Variants in UNK observed in about 807,000 individuals in gnomAD.
The protein encoded by UNK is unk zinc finger.
In UNK, 32 loss-of-function variants were observed where a neutral mutation model predicts 97.6. The ratio of observed to expected loss-of-function variants is 0.33; its 90% CI spans 0.25 to 0.44. The LOEUF (loss-of-function observed/expected upper bound fraction) is 0.44. UNK is among the 20% of genes least tolerant of loss of function. UNK has a pLI of 1.00. For missense variants in UNK, 771 were observed against 1,098.4 expected (o/e 0.70, Z 4.21); for synonymous variants, 441 against 461.2 (o/e 0.96, Z 0.56).
intron 6 of UNK, 37 bp from the exon 7 acceptor site, chr17:75,815,132 G>C: frequency 6.3e-7 from 1 of 1,596,460 alleles, no homozygotes; most frequent in Non-Finnish European, 8.6e-7. Flanking sequence ...CCTTCCCTCA[G>C]GGCCTGAGCC....
At chr17:75,814,236 T>A (rs1426330536) in intron 6 of UNK, among the ~76,000 whole-genome samples, 1 of 151,810 alleles carries the variant, frequency 6.6e-6, no homozygotes, top group Non-Finnish European at 1.5e-5. Flanking sequence ...GCACGGTGGC[T>A]TATGCCTATA....
At position 75,816,665 on chromosome 17, in the gene UNK, T is replaced by G; in HGVS notation, c.962-105T>G. 1 of 1,378,138 alleles carries G rather than the reference T, an allele frequency of 7.3e-7. No individual in the cohort carries two copies. The highest frequency in any genetic ancestry group is 9.6e-7 in the Non-Finnish European group (1 of 1,041,994). 85.4% of individuals were successfully genotyped at this position (1,378,138 alleles called of 1,614,324 possible). ...TAGAGATGTCGTAGGAACCTTCCCT[T>G]TATGTGCAGGGGGATTTGTGGTCTC... is the stretch of plus-strand genomic sequence containing the variant. On this transcript the variant is annotated intron_variant, in intron 7 of 15. Transcript: ENST00000589666. The surrounding 1 kb of genome is among the most constrained non-coding windows in gnomAD (Gnocchi z 4.0).
intron 2 of UNK, 133 bp downstream of exon 2, chr17:75,810,102 A>T (rs1311378850): frequency 1.8e-5 from 19 of 1,077,318 alleles, no homozygotes; most frequent in Non-Finnish European, 1.7e-5. Flanking sequence ...CCGAGCCTGG[A>T]CTCAGACCCC....
Position 75,817,771 on chromosome 17 carries a change from C to T in UNK, c.1305+245C>T, listed in dbSNP as rs946144459. 7.2e-5 allele frequency among the ~76,000 whole-genome samples: 11 copies of T among 152,122 alleles called. No homozygotes were observed. The highest frequency in any genetic ancestry group is 1.3e-4 in the Admixed American group (2 of 15,272). ...GCTGGTTAGGAGAGGAGCCAGATCC[C>T]GCCTGGGTGCGGTCCTTCGGCTGCC... On this transcript the variant is annotated intron_variant, in intron 9 of 15. Transcript: ENST00000589666. The surrounding 1 kb of genome is among the most constrained non-coding windows in gnomAD (Gnocchi z 5.8).
Position 75,817,004 on chromosome 17 carries a change from A to G in UNK, c.1104+92A>G. Reference sequence around the variant, plus strand: ...CCTTTCAGCCTGGGCTTGGGAGACCATCCTGGTATTTGTCCTCAGGCCAGG... The same window carrying G: ...CCTTTCAGCCTGGGCTTGGGAGACCGTCCTGGTATTTGTCCTCAGGCCAGG... On this transcript the variant is annotated intron_variant, in intron 8 of 15. Coordinates refer to ENST00000589666, the MANE Select transcript of UNK (RefSeq NM_001080419.3). The surrounding 1 kb of genome is among the most constrained non-coding windows in gnomAD (Gnocchi z 5.8). 1 of 1,465,248 alleles carries G rather than the reference A, an allele frequency of 6.8e-7. No homozygotes were observed. Among genetic ancestry groups the G allele is most frequent in the East Asian group, 2.5e-5 (1 of 40,514 alleles). The allele number at this position is 1,465,248 out of a possible 1,614,324, so 90.8% of individuals were successfully genotyped here.
intron 1 of UNK, among the ~76,000 whole-genome samples, chr17:75,799,295 G>C (rs2143712278): frequency 6.6e-6 from 1 of 152,244 alleles, no homozygotes; most frequent in East Asian, 1.9e-4. Context: ...GACAGAATGA[G>C]ACCCTTTTTC....
At chr17:75,812,639 C>T (rs2061980531) in intron 4 of UNK, 54 bp downstream of exon 4, 3 of 1,574,338 alleles carry the variant, frequency 1.9e-6, no homozygotes, top group Non-Finnish European at 2.6e-6. Flanking sequence ...CTCATAGCTG[C>T]CCTGGGGATT....
intron 1 of UNK, among the ~76,000 whole-genome samples, chr17:75,807,044 A>C (rs2061924759): frequency 6.6e-6 from 1 of 152,188 alleles, no homozygotes; most frequent in African/African-American, 2.4e-5. Context: ...GTCTGCCCCA[A>C]GTCAGCAGGC....
intron 13 of UNK, 88 bp from the exon 14 acceptor site, chr17:75,822,389 G>A: frequency 6.8e-7 from 1 of 1,465,586 alleles, no homozygotes; most frequent in Non-Finnish European, 9.2e-7. Context: ...CCAGTGGACA[G>A]CCAGTCCCTG....
At chr17:75,791,827 C>A (rs2143679459) in intron 1 of UNK, 1 of 985,414 alleles carries the variant, frequency 1.0e-6, no homozygotes, top group East Asian at 1.1e-4. Flanking sequence ...TGGTTTCTAT[C>A]ATCCTACAAA....
rs546632810 is a variant in UNK at position 75,786,641 on chromosome 17, G to A, written c.104+1657G>A. Among the ~76,000 whole-genome samples the A allele has an allele frequency of 3.3e-5, 5 of 152,260 alleles. 1 individual carries two copies. The South Asian group carries it at 1.0e-3, about 32-fold the overall frequency. ...TGGGAGGCCGAGGCGGATCGCATGA[G>A]GTCAGGAGTGAAGAGACCAGCCTGC... On this transcript the variant is annotated intron_variant, in intron 1 of 15. Coordinates refer to ENST00000589666, the MANE Select transcript of UNK (RefSeq NM_001080419.3).
At position 75,816,094 on chromosome 17, in the gene UNK, A is replaced by C. The variant is rs1484583741; in HGVS notation, c.962-676A>C. ...ATGCCTACGGGATATTTCCATTCAG[A>C]CCAGCCTGTTTCAGGGGCTCAGTAG... On this transcript the variant is annotated intron_variant, in intron 7 of 15. Coordinates refer to ENST00000589666, the MANE Select transcript of UNK (RefSeq NM_001080419.3). This position sits in a 1 kb window ranked among gnomAD's most constrained non-coding sequence, Gnocchi z 4.0. 2.6e-5 allele frequency among the ~76,000 whole-genome samples: 4 copies of C among 152,136 alleles called. No homozygotes were observed. Among genetic ancestry groups the C allele is most frequent in the African/African-American group, 9.7e-5 (4 of 41,420 alleles).
chr17:75,818,045 A>G lies in UNK; in HGVS notation c.1306-58A>G, dbSNP rs2062032727. ...CTGGTACCTGCAGCCTCAGGGTCAG[A>G]TGGACTCAGGGACCCCCCAGCACCA... On this transcript the variant is annotated intron_variant, in intron 9 of 15. Transcript: ENST00000589666. This position sits in a 1 kb window ranked among gnomAD's most constrained non-coding sequence, Gnocchi z 5.1. The G allele has an allele frequency of 1.9e-6, 3 of 1,576,372 alleles. No individual in the cohort carries two copies. Among genetic ancestry groups the G allele is most frequent in the Non-Finnish European group, 2.6e-6 (3 of 1,148,168 alleles).
intron 1 of UNK, among the ~76,000 whole-genome samples, chr17:75,799,441 CG>C (rs2061836545): frequency 6.6e-6 from 1 of 152,106 alleles, no homozygotes; most frequent in African/African-American, 2.4e-5. Flanking sequence ...GCTGAGCAGA[CG>C]TGATGTGGAA....
chr17:75,815,037 TGGAGG>T (rs1187950859), intron 6 of UNK, 127 bp from the exon 7 acceptor site: 23 of 705,988 alleles, frequency 3.3e-5, no homozygotes, highest in East Asian at 3.2e-4. Flanking sequence ...AGAGACATAG[TGGAGG>T]GGAGGGGAGG....
At chr17:75,787,835 A>G (rs567538971) in intron 1 of UNK, among the ~76,000 whole-genome samples, 40 of 151,722 alleles carry the variant, frequency 2.6e-4, no homozygotes, top group Admixed American at 2.0e-3. Context: ...AAAAAAAAAA[A>G]AAAGAGAGAC....
chr17:75,798,433 G>C (rs554515656), intron 1 of UNK, among the ~76,000 whole-genome samples: 12 of 152,168 alleles, frequency 7.9e-5, no homozygotes, highest in African/African-American at 2.9e-4. Context: ...TTGAACTCCT[G>C]ACCTCAGGTG....
Position 75,818,523 on chromosome 17 carries a change from G to A in UNK, c.1372-119G>A, listed in dbSNP as rs1159701690. On this transcript the variant is annotated intron_variant, in intron 10 of 15. Transcript: ENST00000589666. This position sits in a 1 kb window ranked among gnomAD's most constrained non-coding sequence, Gnocchi z 5.1. ...TGCCGGGGCCCATGTGGGCATGGGG[G>A]CACCCGGACTAGAGCTAGCACGGGC... 8.6e-5 allele frequency: 104 copies of A among 1,213,136 alleles called. No individual in the cohort carries two copies. Among genetic ancestry groups the A allele is most frequent in the South Asian group, 1.6e-5 (1 of 64,428 alleles). 75.1% of individuals were successfully genotyped at this position (1,213,136 alleles called of 1,614,324 possible).
chr17:75,809,964 C>G lies in UNK; in HGVS notation c.309C>G (p.Gly103=). 1 of 1,613,446 alleles carries G rather than the reference C, an allele frequency of 6.2e-7. No homozygotes were observed. ...AGGCTACAGGCCTCTGCCCGGAGGG[C>G]GACGAGTGAGTGACCCAGCCTGTCC... is the stretch of plus-strand genomic sequence containing the variant. ...YDEATGLCPE[G]DECPFLHRTT... is the part of the protein sequence containing the mutation. Residue 103 remains glycine (G), a synonymous_variant, in exon 2 of 16, where the codon GGC becomes GGG. Transcript: ENST00000589666.
Sources: gnomAD v4.1 joint callset for allele counts (sites outside exome capture counted in the v4.1 genomes callset) on GRCh38, gnomAD v4.1.1 for gene constraint, Gnocchi (gnomAD v3.1) non-coding constraint, MANE v1.5 for transcripts, NCBI Gene and HGNC (gene_info 2026-07-23, HGNC 2026-07-21) for gene names.